The following NPAS3 variants were observed in gnomAD, a reference collection of about 807,000 sequenced individuals.
NPAS3 encodes the protein neuronal PAS domain protein 3, also known as neuronal PAS domain-containing protein 3.
NPAS3 carries 14 observed loss-of-function variants against 73.1 expected under a neutral mutation model. The ratio of observed to expected loss-of-function variants is 0.19; its 90% CI spans 0.13 to 0.30. The LOEUF is 0.30. NPAS3 is among the 10% of genes least tolerant of loss of function. The probability of loss-of-function intolerance (pLI) is 1.00; values close to 1 mark genes in which losing one functional copy is unlikely to be tolerated. For missense variants in NPAS3, 1,096 were observed against 1,250.0 expected (o/e 0.88, Z 1.86); for synonymous variants, 620 against 541.5 (o/e 1.14, Z -2.01).
At chr14:33,253,787 C>G (rs1009567148) in intron 3 of NPAS3, among the ~76,000 whole-genome samples, 2 of 151,988 alleles carry the variant, frequency 1.3e-5, no homozygotes, top group African/African-American at 4.8e-5. Context: ...TTATTCATGG[C>G]AGTTCTGTAC....
At chr14:33,057,540 G>A (rs892374614) in intron 2 of NPAS3, among the ~76,000 whole-genome samples, 6 of 152,284 alleles carry the variant, frequency 3.9e-5, no homozygotes, top group East Asian at 1.9e-4. Flanking sequence ...TCAGTTTCAC[G>A]TGTCTGAAAT....
chr14:33,670,057 T>C (rs72664510), intron 5 of NPAS3, among the ~76,000 whole-genome samples: 4 of 152,190 alleles, frequency 2.6e-5, no homozygotes, highest in Admixed American at 6.5e-5. Flanking sequence ...AGTGTCTCTT[T>C]GGGTGCTGCG....
chr14:33,767,484 AAAAAG>A (rs1305332829), intron 7 of NPAS3, among the ~76,000 whole-genome samples: 1 of 152,176 alleles, frequency 6.6e-6, no homozygotes, highest in African/African-American at 2.4e-5. Context: ...CAGAGGAAAA[AAAAAG>A]AAAAGGGACC....
intron 4 of NPAS3, among the ~76,000 whole-genome samples, chr14:33,513,273 G>A (rs1224784828): frequency 6.6e-6 from 1 of 151,948 alleles, no homozygotes; most frequent in Non-Finnish European, 1.5e-5. Context: ...AGATTCTAAT[G>A]AACATATATA....
intron 5 of NPAS3, among the ~76,000 whole-genome samples, chr14:33,675,508 A>G (rs879309404): frequency 6.6e-6 from 1 of 152,194 alleles, no homozygotes; most frequent in Non-Finnish European, 1.5e-5. Flanking sequence ...AAAGCCTTCA[A>G]GGAGATTTGT....
At chr14:33,111,275 C>T (rs1167976793) in intron 2 of NPAS3, among the ~76,000 whole-genome samples, 1 of 152,220 alleles carries the variant, frequency 6.6e-6, no homozygotes, top group East Asian at 1.9e-4. Flanking sequence ...GAGCCGCTCA[C>T]TGGGCCCAGA....
chr14:33,662,539 C>T (rs1007728908), intron 5 of NPAS3, among the ~76,000 whole-genome samples: 1 of 152,172 alleles, frequency 6.6e-6, no homozygotes, highest in Non-Finnish European at 1.5e-5. Context: ...TTACCTTGGG[C>T]AGTATGGCCA....
At chr14:33,456,790 G>A (rs1030975) in intron 4 of NPAS3, among the ~76,000 whole-genome samples, 33,345 of 152,046 alleles carry the variant, frequency 0.22, 4,474 homozygotes, top group Non-Finnish European at 0.3. Context: ...TTACCTGTGG[G>A]ACTGTTCTTC....
intron 5 of NPAS3, among the ~76,000 whole-genome samples, chr14:33,605,477 C>G (rs2140018598): frequency 6.7e-6 from 1 of 148,762 alleles, no homozygotes; most frequent in South Asian, 2.1e-4. Flanking sequence ...CCATAAAAGA[C>G]TACTAGATCT....
intron 5 of NPAS3, among the ~76,000 whole-genome samples, chr14:33,621,247 TA>T (rs1360614555): frequency 6.6e-6 from 1 of 152,110 alleles, no homozygotes; most frequent in African/African-American, 2.4e-5. Context: ...ATGAAAGAAA[TA>T]AAACTTAAGT....
At chr14:33,245,165 T>A (rs541003206) in intron 3 of NPAS3, among the ~76,000 whole-genome samples, 1 of 152,306 alleles carries the variant, frequency 6.6e-6, no homozygotes, top group African/African-American at 2.4e-5. Flanking sequence ...TTTTTAGTCA[T>A]ATTAAAATCA....
chr14:33,266,237 A>G (rs1039028422), intron 3 of NPAS3, among the ~76,000 whole-genome samples: 2 of 152,174 alleles, frequency 1.3e-5, no homozygotes, highest in African/African-American at 4.8e-5. Context: ...CTTCCTTTTT[A>G]TATATGATAG....
At chr14:33,474,102 A>G (rs551191808) in intron 4 of NPAS3, among the ~76,000 whole-genome samples, 1 of 152,280 alleles carries the variant, frequency 6.6e-6, no homozygotes, top group South Asian at 2.1e-4. Flanking sequence ...CGCTTTCTCC[A>G]GGGCAATGAG....
At chr14:33,047,850 G>A (rs993781769) in intron 1 of NPAS3, among the ~76,000 whole-genome samples, 1 of 152,132 alleles carries the variant, frequency 6.6e-6, no homozygotes, top group African/African-American at 2.4e-5. Flanking sequence ...TCAGTGGAAG[G>A]ACAAGTTTGT....
rs562404304 is a variant in NPAS3, at chr14:33,383,903, A to G, written c.468+16635A>G. On this transcript the variant is annotated intron_variant, in intron 4 of 11. Coordinates refer to ENST00000356141, the Ensembl canonical transcript of NPAS3. Reference sequence around the variant, plus strand: ...TGTTATAATCTGCCGCTATATTTGCATGAATTATTCTGCCAGGAGACACTA... The same window carrying G: ...TGTTATAATCTGCCGCTATATTTGCGTGAATTATTCTGCCAGGAGACACTA... Among the ~76,000 whole-genome samples the G allele has an allele frequency of 4.6e-5, 7 of 152,336 alleles. 1 individual carries two copies. The South Asian group carries it at 1.4e-3, about 32-fold the overall frequency.
At chr14:33,535,554 C>T (rs1326868435) in intron 4 of NPAS3, among the ~76,000 whole-genome samples, 1 of 152,180 alleles carries the variant, frequency 6.6e-6, no homozygotes, top group Non-Finnish European at 1.5e-5. Context: ...AGCCTAGTAC[C>T]TGGGTTAGTT....
chr14:33,803,169 T>G (rs2063755593), downstream of NPAS3: 1 of 152,228 alleles, frequency 6.6e-6, no homozygotes, highest in African/African-American at 2.4e-5. Flanking sequence ...TTTGGTTTCC[T>G]TTCAGGTTGG....
At chr14:33,055,804 A>C in intron 1 of NPAS3, 101 bp from the exon 2 acceptor site, 1 of 571,806 alleles carries the variant, frequency 1.7e-6, no homozygotes, top group Non-Finnish European at 3.2e-6. Flanking sequence ...CAAAAGCGTA[A>C]AAAGCAAAAT....
At chr14:33,190,653 A>C (rs764005303) in intron 2 of NPAS3, among the ~76,000 whole-genome samples, 2 of 152,176 alleles carry the variant, frequency 1.3e-5, no homozygotes, top group Non-Finnish European at 2.9e-5. Flanking sequence ...ACTACCACAC[A>C]CTCCACATGC....
Sources: gnomAD v4.1 joint callset for allele counts (sites outside exome capture counted in the v4.1 genomes callset) on GRCh38, gnomAD v4.1.1 for gene constraint, MANE v1.5 for transcripts, NCBI Gene and HGNC (gene_info 2026-07-23, HGNC 2026-07-21) for gene names.